The following RBFOX1 variants were observed in gnomAD, a reference collection of about 807,000 sequenced individuals.
The protein encoded by RBFOX1 is RNA binding fox-1 homolog 1.
RBFOX1 carries 8 observed loss-of-function variants against 57.7 expected under a neutral mutation model. The ratio of observed to expected loss-of-function variants is 0.14; its 90% CI spans 0.08 to 0.25. RBFOX1 has a LOEUF of 0.25. Among genes scored for constraint, RBFOX1 ranks in the 10% least tolerant of loss-of-function variants. The pLI, the probability that RBFOX1 is intolerant of heterozygous loss-of-function variation, is 1.00. For missense variants in RBFOX1, 611 were observed against 548.5 expected (o/e 1.11, Z -1.14); for synonymous variants, 326 against 222.4 (o/e 1.47, Z -4.15).
At chr16:6,335,601 A>G (rs1183395654) in intron 2 of RBFOX1, among the ~76,000 whole-genome samples, 1 of 151,836 alleles carries the variant, frequency 6.6e-6, no homozygotes, top group African/African-American at 2.4e-5. Context: ...AACATGGTGA[A>G]ACCTCGTCTC....
intron 4 of RBFOX1, among the ~76,000 whole-genome samples, chr16:7,120,759 C>G (rs1332758471): frequency 1.4e-5 from 2 of 146,170 alleles, no homozygotes; most frequent in African/African-American, 5.0e-5. Flanking sequence ...TACTTCTCAA[C>G]TCAATTTATG....
intron 2 of RBFOX1, among the ~76,000 whole-genome samples, chr16:5,489,125 C>T (rs560482436): frequency 3.3e-5 from 5 of 152,338 alleles, no homozygotes; most frequent in African/African-American, 1.2e-4. Context: ...CTTTGCCTGA[C>T]ACTAAGTCTC....
chr16:5,680,098 G>T (rs913149802), intron 3 of RBFOX1, among the ~76,000 whole-genome samples: 1 of 152,218 alleles, frequency 6.6e-6, no homozygotes, highest in Admixed American at 6.5e-5. Context: ...CAACAAAGGC[G>T]TCAGAAGAGG....
chr16:7,069,887 A>T (rs545670971), intron 4 of RBFOX1, among the ~76,000 whole-genome samples: 4 of 152,274 alleles, frequency 2.6e-5, no homozygotes, highest in African/African-American at 7.2e-5. Context: ...TTGCGCTTGA[A>T]TTTTACCCCA....
chr16:6,128,674 C>T (rs79202631), intron 1 of RBFOX1, among the ~76,000 whole-genome samples: 2,120 of 152,292 alleles, frequency 0.014, 55 homozygotes, highest in African/African-American at 0.048. Flanking sequence ...GCTCATAAGT[C>T]TGCATGGAAT....
chr16:6,206,499 C>T, intron 1 of RBFOX1, among the ~76,000 whole-genome samples: 1 of 152,154 alleles, frequency 6.6e-6, no homozygotes, highest in Non-Finnish European at 1.5e-5. Context: ...AACACAGGCT[C>T]CCTGATGGCA....
At chr16:7,334,721 C>T (rs930826835) in intron 4 of RBFOX1, among the ~76,000 whole-genome samples, 10 of 152,124 alleles carry the variant, frequency 6.6e-5, no homozygotes, top group Admixed American at 1.3e-4. Flanking sequence ...CCACTCTGGA[C>T]GTATTACCCC....
intron 2 of RBFOX1, among the ~76,000 whole-genome samples, chr16:6,336,994 C>A (rs181514886): frequency 1.3e-3 from 204 of 152,216 alleles, no homozygotes; most frequent in African/African-American, 4.8e-3. Flanking sequence ...ACATTGCAAC[C>A]CTTATTCTAA....
At chr16:6,498,080 C>G (rs912539254) in intron 2 of RBFOX1, among the ~76,000 whole-genome samples, 2 of 151,756 alleles carry the variant, frequency 1.3e-5, no homozygotes, top group Non-Finnish European at 2.9e-5. Context: ...GAAACCCCGT[C>G]TCTACTTAAA....
At chr16:7,303,233 C>T (rs1291102072) in intron 4 of RBFOX1, among the ~76,000 whole-genome samples, 4 of 152,250 alleles carry the variant, frequency 2.6e-5, no homozygotes, top group Non-Finnish European at 5.9e-5. Context: ...GAAAGCTGCG[C>T]CCCAAACGCC....
Position 7,303,436 on chromosome 16 carries a change from G to T in RBFOX1, c.28-214711G>T, listed in dbSNP as rs560368178. ...ACCGCCACCAACATCTACCACTGTG[G>T]GTCCCAGCTGGGCCATCGCGCTAAT... On this transcript the variant is annotated intron_variant, in intron 4 of 15. Transcript: ENST00000550418. Among the ~76,000 whole-genome samples, 7 of 152,340 alleles carry T rather than the reference G, an allele frequency of 4.6e-5. No homozygotes were observed. In the East Asian group the frequency reaches 1.2e-3, roughly 25 times the overall value.
chr16:5,757,318 G>C (rs1197377010), intron 3 of RBFOX1, among the ~76,000 whole-genome samples: 1 of 148,300 alleles, frequency 6.7e-6, no homozygotes, highest in East Asian at 2.0e-4. Context: ...TGCAACGCTT[G>C]CCTCCTGGGT....
intron 3 of RBFOX1, among the ~76,000 whole-genome samples, chr16:5,707,560 C>G (rs960169882): frequency 6.6e-6 from 1 of 152,182 alleles, no homozygotes; most frequent in African/African-American, 2.4e-5. Flanking sequence ...AGGCAAATAT[C>G]ATGCCTTCCC....
intron 1 of RBFOX1, among the ~76,000 whole-genome samples, chr16:6,303,039 G>C (rs1308515842): frequency 6.6e-6 from 1 of 152,170 alleles, no homozygotes; most frequent in Admixed American, 6.5e-5. Flanking sequence ...TATGATGCTT[G>C]AGGTTCTTAT....
intron 1 of RBFOX1, among the ~76,000 whole-genome samples, chr16:5,383,963 A>T (rs1475114362): frequency 6.6e-6 from 1 of 152,192 alleles, no homozygotes; most frequent in Non-Finnish European, 1.5e-5. Flanking sequence ...CCTATTCTGC[A>T]TTCTCCTCCA....
At chr16:5,818,446 C>G (rs919175712) in intron 3 of RBFOX1, among the ~76,000 whole-genome samples, 3 of 152,146 alleles carry the variant, frequency 2.0e-5, no homozygotes, top group African/African-American at 7.2e-5. Flanking sequence ...GAGAGCTCTG[C>G]CTTTCTTTAC....
chr16:5,887,992 C>A (rs1417906804), intron 4 of RBFOX1, among the ~76,000 whole-genome samples: 1 of 152,220 alleles, frequency 6.6e-6, no homozygotes, highest in East Asian at 1.9e-4. Context: ...TCCTGCCAGA[C>A]TGTGTTCCTG....
chr16:7,393,935 C>A (rs193185738), intron 4 of RBFOX1, among the ~76,000 whole-genome samples: 1 of 151,988 alleles, frequency 6.6e-6, no homozygotes, highest in East Asian at 1.9e-4. Flanking sequence ...GAGGCACCAG[C>A]TTTAAGGAGT....
intron 2 of RBFOX1, among the ~76,000 whole-genome samples, chr16:5,500,524 G>T (rs1467959354): frequency 6.6e-6 from 1 of 152,120 alleles, no homozygotes; most frequent in African/African-American, 2.4e-5. Context: ...GCCTGGCCGA[G>T]TATCAGGCTT....
Sources: gnomAD v4.1 joint callset for allele counts (sites outside exome capture counted in the v4.1 genomes callset) on GRCh38, gnomAD v4.1.1 for gene constraint, MANE v1.5 for transcripts, NCBI Gene and HGNC (gene_info 2026-07-23, HGNC 2026-07-21) for gene names.